OSBPL3: variants seen among roughly 807,000 people sequenced by gnomAD.
OSBPL3 encodes oxysterol binding protein like 3.
OSBPL3 carries 65 observed loss-of-function variants against 120.1 expected under a neutral mutation model. The observed-to-expected ratio is 0.54, with a 90% CI of 0.44 to 0.67. The LOEUF (loss-of-function observed/expected upper bound fraction) is 0.67. Ranked by LOEUF, OSBPL3 falls within the 30% of genes least tolerant of loss-of-function variation. The probability of loss-of-function intolerance (pLI) is 0.00; values close to 1 mark genes in which losing one functional copy is unlikely to be tolerated. For missense variants in OSBPL3, 1,004 were observed against 1,082.1 expected (o/e 0.93, Z 1.01); for synonymous variants, 416 against 402.6 (o/e 1.03, Z -0.40).
intron 12 of OSBPL3, among the ~76,000 whole-genome samples, chr7:24,845,371 A>G: frequency 7.1e-6 from 1 of 141,044 alleles, no homozygotes; most frequent in East Asian, 2.1e-4. Flanking sequence ...ATTTACAAAT[A>G]TTGCAAAATA....
At chr7:24,886,877 C>G (rs890256794) in intron 2 of OSBPL3, among the ~76,000 whole-genome samples, 3 of 152,288 alleles carry the variant, frequency 2.0e-5, no homozygotes, top group South Asian at 2.1e-4. Context: ...CTCTAATCAG[C>G]CTTTCATCCC....
chr7:24,921,848 C>T (rs1584628628), intron 1 of OSBPL3, among the ~76,000 whole-genome samples: 2 of 152,160 alleles, frequency 1.3e-5, no homozygotes, highest in South Asian at 4.1e-4. Context: ...TTTAAAGAAC[C>T]TTCCATTCTT....
chr7:24,823,788 TAC>T (rs1246654121), intron 16 of OSBPL3, among the ~76,000 whole-genome samples: 1 of 152,256 alleles, frequency 6.6e-6, no homozygotes, highest in African/African-American at 2.4e-5. Context: ...GAAAAAATTA[TAC>T]AAAGGCTTTG....
At chr7:24,848,925 A>G (rs968332193) in intron 12 of OSBPL3, 144 bp downstream of exon 12, 12 of 606,614 alleles carry the variant, frequency 2.0e-5, no homozygotes, top group Non-Finnish European at 3.0e-5. Flanking sequence ...TCCATGACCT[A>G]GCTGTGGCCA....
At chr7:24,920,708 C>T (rs1453576338) in intron 1 of OSBPL3, among the ~76,000 whole-genome samples, 1 of 152,092 alleles carries the variant, frequency 6.6e-6, no homozygotes, top group Non-Finnish European at 1.5e-5. Context: ...TTTAAAATAG[C>T]AAGCTCAGTT....
chr7:24,807,248 T>G (rs562730685), intron 20 of OSBPL3, among the ~76,000 whole-genome samples: 1 of 152,282 alleles, frequency 6.6e-6, no homozygotes, highest in South Asian at 2.1e-4. Flanking sequence ...ATCCCAGCAC[T>G]TTGGGAGGCT....
Position 24,918,428 on chromosome 7 carries a change from T to C in OSBPL3, c.-149-25807A>G, listed in dbSNP as rs1809988376. On this transcript the variant is annotated intron_variant, in intron 1 of 22. Transcript: ENST00000313367. The surrounding 1 kb of genome is among the most constrained non-coding windows in gnomAD (Gnocchi z 4.3). ...CAGAGAGAAAACATCTAGATAGAAG[T>C]ATGTATTTGGAAGAAAGAAGTGCCA... Among the ~76,000 whole-genome samples the C allele has an allele frequency of 6.6e-6, 1 of 152,122 alleles. No homozygotes were observed. The highest frequency in any genetic ancestry group is 1.5e-5 in the Non-Finnish European group (1 of 68,012).
At position 24,922,444 on chromosome 7, in the gene OSBPL3, A is replaced by G. The variant is rs1470561073; in HGVS notation, c.-149-29823T>C. Among the ~76,000 whole-genome samples the G allele has an allele frequency of 3.9e-5, 6 of 152,152 alleles. No individual in the cohort carries two copies. Among genetic ancestry groups the G allele is most frequent in the Non-Finnish European group, 8.8e-5 (6 of 68,036 alleles). ...GCTGAGTGACCAGCGTGGGAGGGAA[A>G]TTAAGTTTTCGGTGGATACTGTGGT... is the stretch of plus-strand genomic sequence containing the variant. On this transcript the variant is annotated intron_variant, in intron 1 of 22. Transcript: ENST00000313367. This position sits in a 1 kb window ranked among gnomAD's most constrained non-coding sequence, Gnocchi z 4.3.
Position 24,830,926 on chromosome 7 carries a change from C to T in OSBPL3, c.1747-21G>A. 6.4e-7 allele frequency: 1 copy of T among 1,573,454 alleles called. No homozygotes were observed. The highest frequency in any genetic ancestry group is 8.6e-7 in the Non-Finnish European group (1 of 1,165,026). The stretch of plus-strand genomic sequence containing the variant: ...TATACCTAAGGACAAGAGAAAAGAA[C>T]TTTGTCATTTCCGTGTCACCAAGAG... On this transcript the variant is annotated intron_variant, in intron 15 of 22. Transcript: ENST00000313367. This position sits in a 1 kb window ranked among gnomAD's most constrained non-coding sequence, Gnocchi z 4.4.
chr7:24,863,085 A>G lies in OSBPL3; in HGVS notation c.870+115T>C. The G allele has an allele frequency of 1.4e-6, 1 of 738,050 alleles. No individual in the cohort carries two copies. Among genetic ancestry groups the G allele is most frequent in the East Asian group, 2.5e-5 (1 of 39,974 alleles). 45.7% of individuals were successfully genotyped at this position (738,050 alleles called of 1,614,324 possible). On this transcript the variant is annotated intron_variant, in intron 9 of 22. Coordinates refer to ENST00000313367, the MANE Select transcript of OSBPL3 (RefSeq NM_015550.4). The surrounding 1 kb of genome is among the most constrained non-coding windows in gnomAD (Gnocchi z 5.8). ...CGCTACAGAGGACACTGGAAAGAACAACTACAGAATATTCACTCATCTATT... is the reference window on the plus strand; with the variant it reads ...CGCTACAGAGGACACTGGAAAGAACGACTACAGAATATTCACTCATCTATT...
intron 16 of OSBPL3, among the ~76,000 whole-genome samples, chr7:24,825,932 A>G (rs1795652054): frequency 6.6e-6 from 1 of 152,252 alleles, no homozygotes; most frequent in Non-Finnish European, 1.5e-5. Flanking sequence ...GTAAATGGTT[A>G]AAATGAACAA....
intron 2 of OSBPL3, among the ~76,000 whole-genome samples, chr7:24,888,525 A>G (rs879434452): frequency 7.9e-5 from 12 of 152,126 alleles, no homozygotes; most frequent in Non-Finnish European, 1.3e-4. Context: ...AGTGAGGCTT[A>G]TTGTTTTTAA....
intron 19 of OSBPL3, among the ~76,000 whole-genome samples, chr7:24,814,334 G>C (rs1209104692): frequency 6.6e-6 from 1 of 152,142 alleles, no homozygotes; most frequent in African/African-American, 2.4e-5. Context: ...GTGTGTGAAA[G>C]GGTGGAGATG....
chr7:24,954,057 C>T (rs1283260599), intron 1 of OSBPL3, among the ~76,000 whole-genome samples: 2 of 152,192 alleles, frequency 1.3e-5, no homozygotes, highest in East Asian at 3.8e-4. Flanking sequence ...ACCTTCCTTC[C>T]TCTTTCATGA....
chr7:24,960,772 T>C (rs776787435), intron 1 of OSBPL3, among the ~76,000 whole-genome samples: 2 of 152,226 alleles, frequency 1.3e-5, no homozygotes, highest in South Asian at 2.1e-4. Context: ...CTGAATTTCA[T>C]AGATAATCCA....
intron 1 of OSBPL3, among the ~76,000 whole-genome samples, chr7:24,979,305 C>T (rs1817935480): frequency 6.7e-6 from 1 of 150,176 alleles, no homozygotes; most frequent in South Asian, 2.1e-4. Context: ...AAAAAAATTC[C>T]AGAAGGGGCC....
chr7:24,832,342 T>G (rs1195507061), intron 15 of OSBPL3, among the ~76,000 whole-genome samples: 1 of 150,648 alleles, frequency 6.6e-6, no homozygotes, highest in Non-Finnish European at 1.5e-5. Context: ...AAACCCCATC[T>G]CTACTAAAAA....
rs1178437044 is a variant in OSBPL3, at chr7:24,964,408, T to A, written c.-150+15478A>T. ...TACTCTTGATATGATGTAATGAGAATGGCATTTTACCTCTGTAATCTTCTT... is the reference window on the plus strand; with the variant it reads ...TACTCTTGATATGATGTAATGAGAAAGGCATTTTACCTCTGTAATCTTCTT... On this transcript the variant is annotated intron_variant, in intron 1 of 22. Transcript: ENST00000313367. This position sits in a 1 kb window ranked among gnomAD's most constrained non-coding sequence, Gnocchi z 4.2. Among the ~76,000 whole-genome samples the A allele has an allele frequency of 6.6e-6, 1 of 152,230 alleles. No homozygotes were observed. The highest frequency in any genetic ancestry group is 1.5e-5 in the Non-Finnish European group (1 of 68,046).
chr7:24,850,822 A>G (rs1212836034), intron 11 of OSBPL3, among the ~76,000 whole-genome samples: 11 of 152,268 alleles, frequency 7.2e-5, no homozygotes. Context: ...CAGCACCGAC[A>G]TACCCATTCT....
Sources: allele counts gnomAD v4.1 joint callset (sites outside exome capture counted in the v4.1 genomes callset), GRCh38; gene constraint gnomAD v4.1.1; non-coding constraint Gnocchi (gnomAD v3.1); transcripts MANE v1.5; gene names NCBI Gene and HGNC (gene_info 2026-07-23, HGNC 2026-07-21).